The following PCDHGC4 variants were observed in gnomAD, a reference collection of about 807,000 sequenced individuals.
The protein encoded by PCDHGC4 is protocadherin gamma-C4.
PCDHGC4 carries 15 observed loss-of-function variants against 59.7 expected under a neutral mutation model. The ratio of observed to expected loss-of-function variants is 0.25; its 90% CI spans 0.17 to 0.39. PCDHGC4 has a LOEUF of 0.39. Among genes scored for constraint, PCDHGC4 ranks in the 10% least tolerant of loss-of-function variants. PCDHGC4 has a pLI of 1.00. For synonymous variants in PCDHGC4, 434 were observed against 481.4 expected, an observed-to-expected ratio of 0.90 and a Z score of 1.29; for missense variants, 1,016 against 1,189.5, an observed-to-expected ratio of 0.85 and a Z score of 2.15.
chr5:141,488,131 G>A (rs2099672034), intron 1 of PCDHGC4, among the ~76,000 whole-genome samples: 1 of 152,202 alleles, frequency 6.6e-6, no homozygotes, highest in Non-Finnish European at 1.5e-5. Context: ...GCAGAAAGAG[G>A]AGAGAACTAA....
At chr5:141,488,070 C>A (rs777154469) in intron 1 of PCDHGC4, among the ~76,000 whole-genome samples, 3 of 152,076 alleles carry the variant, frequency 2.0e-5, no homozygotes, top group Non-Finnish European at 1.5e-5. Context: ...TCTTTGTCTC[C>A]CAGTATCTAG....
intron 2 of PCDHGC4, among the ~76,000 whole-genome samples, chr5:141,499,686 T>G (rs1400567357): frequency 1.3e-5 from 2 of 149,346 alleles, no homozygotes; most frequent in Non-Finnish European, 3.0e-5. Flanking sequence ...CTTTAACAGA[T>G]GACTTTTTTT....
rs773232677 is a variant in PCDHGC4, at chr5:141,490,388, G to A, written c.2442+2773G>A. 2 of 1,614,206 alleles carry A rather than the reference G, an allele frequency of 1.2e-6. No homozygotes were observed. The highest frequency in any genetic ancestry group is 2.2e-5 in the East Asian group (1 of 44,878). The stretch of plus-strand genomic sequence containing the variant: ...CGAGACCGGGACTCAGGTAGAAATG[G>A]TGAAGTGAGCCTTGATATCTCTCCG... On this transcript the variant is annotated intron_variant, in intron 1 of 3. Transcript: ENST00000306593. The surrounding 1 kb of genome is among the most constrained non-coding windows in gnomAD (Gnocchi z 5.4).
chr5:141,487,818 G>T lies in PCDHGC4; in HGVS notation c.2442+203G>T, dbSNP rs1009237001. The T allele has an allele frequency of 1.2e-5, 16 of 1,331,602 alleles. No homozygotes were observed. Among genetic ancestry groups the T allele is most frequent in the Non-Finnish European group, 1.4e-5 (14 of 970,528 alleles). The allele number at this position is 1,331,602 out of a possible 1,614,324, so 82.5% of individuals were successfully genotyped here. On this transcript the variant is annotated intron_variant, in intron 1 of 3. Transcript: ENST00000306593. This position sits in a 1 kb window ranked among gnomAD's most constrained non-coding sequence, Gnocchi z 5.0. Reference sequence around the variant, plus strand: ...GAGTTGTCACAGTTTAGCATTGGGGGCGGGTCATGCCTATATCTGAGTAAG... The same window carrying T: ...GAGTTGTCACAGTTTAGCATTGGGGTCGGGTCATGCCTATATCTGAGTAAG...
chr5:141,490,467 C>T lies in PCDHGC4; in HGVS notation c.2442+2852C>T. ...AGAACCACTACTCGCTGCTAACCAG[C>T]CAGCCTTTGGACCGGGAGGCCACAT... is the stretch of plus-strand genomic sequence containing the variant. On this transcript the variant is annotated intron_variant, in intron 1 of 3. Transcript: ENST00000306593. This position sits in a 1 kb window ranked among gnomAD's most constrained non-coding sequence, Gnocchi z 5.4. The T allele has an allele frequency of 6.2e-7, 1 of 1,614,216 alleles. No individual in the cohort carries two copies. The highest frequency in any genetic ancestry group is 8.5e-7 in the Non-Finnish European group (1 of 1,180,040).
In PCDHGC4 at chr5:141,511,367, G is replaced by A. The variant is rs563286583; in HGVS notation, c.*194G>A. ...CCTTCCCCCCCAGGGGGTTGAATAT[G>A]CAAAAGCAGTTCCGCTGGGAACCCC... On this transcript the variant is annotated 3_prime_UTR_variant, in exon 4 of 4. Coordinates refer to ENST00000306593, the MANE Select transcript of PCDHGC4 (RefSeq NM_018928.3). 2.3e-6 allele frequency: 3 copies of A among 1,299,952 alleles called. No individual in the cohort carries two copies. Among genetic ancestry groups the A allele is most frequent in the Non-Finnish European group, 3.1e-6 (3 of 967,442 alleles). 80.5% of individuals were successfully genotyped at this position (1,299,952 alleles called of 1,614,324 possible).
At chr5:141,495,392 G>A (rs2099760968) in intron 2 of PCDHGC4, among the ~76,000 whole-genome samples, 2 of 152,186 alleles carry the variant, frequency 1.3e-5, no homozygotes, top group Non-Finnish European at 2.9e-5. Context: ...GGCGGGGCAT[G>A]GAGCAGGCCC....
Position 141,486,314 on chromosome 5 carries a change from T to C in PCDHGC4, c.1141T>C (p.Ser381Pro), listed in dbSNP as rs775833520. The C allele has an allele frequency of 4.5e-5, 72 of 1,613,758 alleles. No homozygotes were observed. The highest frequency in any genetic ancestry group is 5.9e-5 in the Non-Finnish European group (70 of 1,179,984). Residue 381 changes from serine to proline, a missense_variant, in exon 1 of 4, where the codon TCA becomes CCA. Transcript: ENST00000306593. This position sits in a 1 kb window ranked among gnomAD's most constrained non-coding sequence, Gnocchi z 5.0. ...LISVQDPDSG[S>P]NGDVSLRIPD... ...CAGTGTGCAGGATCCAGACTCAGGG[T>C]CAAACGGAGATGTGAGCCTCCGCAT...
At chr5:141,498,551 C>T (rs749191535) in intron 2 of PCDHGC4, among the ~76,000 whole-genome samples, 2 of 151,950 alleles carry the variant, frequency 1.3e-5, no homozygotes, top group Non-Finnish European at 2.9e-5. Context: ...GTCAGACACA[C>T]CAGCTTCAAA....
At chr5:141,500,223 T>TATTG (rs1554186512) in intron 2 of PCDHGC4, among the ~76,000 whole-genome samples, 5 of 145,410 alleles carry the variant, frequency 3.4e-5, no homozygotes, top group African/African-American at 5.2e-5. Context: ...TTTATTTATT[T>TATTG]ATTGATACGT....
At chr5:141,497,741 G>A (rs767561907) in intron 2 of PCDHGC4, among the ~76,000 whole-genome samples, 24 of 152,050 alleles carry the variant, frequency 1.6e-4, no homozygotes, top group Non-Finnish European at 2.6e-4. Context: ...GTTTCGCCAC[G>A]TTGGCCAGGC....
intron 2 of PCDHGC4, among the ~76,000 whole-genome samples, chr5:141,497,661 T>A (rs1485909952): frequency 3.3e-5 from 5 of 151,062 alleles, no homozygotes; most frequent in African/African-American, 4.9e-5. Context: ...TGCCTCAGCC[T>A]CCCGAGTAGC....
chr5:141,502,126 A>C (rs2154593060), intron 2 of PCDHGC4, among the ~76,000 whole-genome samples: 1 of 152,252 alleles, frequency 6.6e-6, no homozygotes, highest in South Asian at 2.1e-4. Flanking sequence ...AGGCCCACAG[A>C]GCTCAGTCGG....
At chr5:141,504,991 G>A (rs896449285) in intron 2 of PCDHGC4, among the ~76,000 whole-genome samples, 44 of 152,034 alleles carry the variant, frequency 2.9e-4, no homozygotes, top group Admixed American at 2.6e-3. Context: ...GTGAAACCCC[G>A]TCTGTACTAA....
chr5:141,495,921 T>C (rs959070876), intron 2 of PCDHGC4, among the ~76,000 whole-genome samples: 1 of 152,196 alleles, frequency 6.6e-6, no homozygotes, highest in Non-Finnish European at 1.5e-5. Context: ...TCTTTCTTTG[T>C]CTCTGTCTCT....
chr5:141,489,150 T>C lies in PCDHGC4; in HGVS notation c.2442+1535T>C. The C allele has an allele frequency of 1.7e-5, 15 of 862,654 alleles. No individual in the cohort carries two copies. Among genetic ancestry groups the C allele is most frequent in the Middle Eastern group, 2.5e-4 (1 of 4,044 alleles). 53.4% of individuals were successfully genotyped at this position (862,654 alleles called of 1,614,324 possible). On this transcript the variant is annotated intron_variant, in intron 1 of 3. Transcript: ENST00000306593. The surrounding 1 kb of genome is among the most constrained non-coding windows in gnomAD (Gnocchi z 4.5). ...GTTTTTAAGAGGCTGGAAGGAGACA[T>C]AAGAGACTTCAGCTGCTGCATTCCA...
At position 141,489,298 on chromosome 5, in the gene PCDHGC4, T is replaced by C; in HGVS notation, c.2442+1683T>C. On this transcript the variant is annotated intron_variant, in intron 1 of 3. Transcript: ENST00000306593. This position sits in a 1 kb window ranked among gnomAD's most constrained non-coding sequence, Gnocchi z 4.5. ...GAAATGGCAAGTGCTGTGCATGTTG[T>C]CCTTGTGCTGCTGGGGCTGGGTGTC... The C allele has an allele frequency of 6.3e-7, 1 of 1,584,418 alleles. No individual in the cohort carries two copies. The highest frequency in any genetic ancestry group is 8.6e-7 in the Non-Finnish European group (1 of 1,165,192).
rs2099694919 is a variant in PCDHGC4, at chr5:141,490,016, C to T, written c.2442+2401C>T. The T allele has an allele frequency of 6.2e-7, 1 of 1,614,158 alleles. No individual in the cohort carries two copies. The highest frequency in any genetic ancestry group is 8.5e-7 in the Non-Finnish European group (1 of 1,180,060). On this transcript the variant is annotated intron_variant, in intron 1 of 3. Transcript: ENST00000306593. This position sits in a 1 kb window ranked among gnomAD's most constrained non-coding sequence, Gnocchi z 5.4. ...ATCCCAGAGAATGCACCCATTGGTACTCTGCTGCTCCGCCTCAATGCCACT... is the reference window on the plus strand; with the variant it reads ...ATCCCAGAGAATGCACCCATTGGTATTCTGCTGCTCCGCCTCAATGCCACT...
chr5:141,499,582 T>C (rs952280239), intron 2 of PCDHGC4, among the ~76,000 whole-genome samples: 7 of 152,164 alleles, frequency 4.6e-5, no homozygotes, highest in African/African-American at 7.2e-5. Flanking sequence ...TAATGCCTTA[T>C]CTTGTTTCAC....
Sources: gnomAD v4.1 joint callset for allele counts (sites outside exome capture counted in the v4.1 genomes callset) on GRCh38, gnomAD v4.1.1 for gene constraint, Gnocchi (gnomAD v3.1) non-coding constraint, MANE v1.5 for transcripts, NCBI Gene and HGNC (gene_info 2026-07-23, HGNC 2026-07-21) for gene names.